KIF19: variants seen among roughly 807,000 people sequenced by gnomAD.
KIF19 encodes kinesin-like protein KIF19.
Under a neutral mutation model 106.6 loss-of-function variants are expected in KIF19, and 98 were observed. The ratio of observed to expected loss-of-function variants is 0.92; its 90% CI spans 0.78 to 1.09. The LOEUF (loss-of-function observed/expected upper bound fraction) is 1.09. Among genes scored for constraint, KIF19 ranks in the 50% least tolerant of loss-of-function variants. KIF19 has a pLI of 0.00. For synonymous variants in KIF19, 516 were observed against 584.2 expected, an observed-to-expected ratio of 0.88 and a Z score of 1.68; for missense variants, 1,373 against 1,414.3, an observed-to-expected ratio of 0.97 and a Z score of 0.47.
rs1019821086 is a variant in KIF19 at position 74,342,964 on chromosome 17, GCCCAGCAAGGCCTCCCT to G, written c.320-53_320-37del. 175 of 1,519,906 alleles carry G rather than the reference GCCCAGCAAGGCCTCCCT, an allele frequency of 1.2e-4. 1 individual carries two copies. The South Asian group carries it at 2.1e-3, about 18-fold the overall frequency. The allele number at this position is 1,519,906 out of a possible 1,614,324, so 94.2% of individuals were successfully genotyped here. On this transcript the variant is annotated intron_variant, in intron 4 of 19. Coordinates refer to ENST00000389916, the MANE Select transcript of KIF19 (RefSeq NM_153209.4). Reference sequence around the variant, plus strand: ...CAAACCCCGGTTTCCAGGAGTGCCTGCCCAGCAAGGCCTCCCTCCCAGCCCCACCCCGGTCACCCTCC... The same window carrying G: ...CAAACCCCGGTTTCCAGGAGTGCCTGCCCAGCCCCACCCCGGTCACCCTCC...
chr17:74,333,627 G>A (rs1383883000), intron 2 of KIF19, among the ~76,000 whole-genome samples: 1 of 151,424 alleles, frequency 6.6e-6, no homozygotes, highest in East Asian at 2.0e-4. Context: ...TCCCAAAGTG[G>A]TGGGATTACA....
intron 1 of KIF19, 104 bp from the exon 2 acceptor site, chr17:74,328,321 T>C (rs1211023345): frequency 7.9e-6 from 8 of 1,013,884 alleles, no homozygotes; most frequent in Non-Finnish European, 1.2e-5. Context: ...AAGGGAGGCC[T>C]GAGATGGCTG....
chr17:74,349,174 T>C lies in KIF19; in HGVS notation c.1048-10T>C. 1 of 1,613,698 alleles carries C rather than the reference T, an allele frequency of 6.2e-7. No homozygotes were observed. Among genetic ancestry groups the C allele is most frequent in the Non-Finnish European group, 8.5e-7 (1 of 1,179,812 alleles). On this transcript the variant is annotated splice_polypyrimidine_tract_variant and intron_variant, in intron 9 of 19. Transcript: ENST00000389916. Reference sequence around the variant, plus strand: ...CTGCATCCCCTCCGCTCCATACGTGTTCCCTGCAGGTGAAGCAGAACCTCC... The same window carrying C: ...CTGCATCCCCTCCGCTCCATACGTGCTCCCTGCAGGTGAAGCAGAACCTCC...
rs576509993 is a variant in KIF19, at chr17:74,328,562, C to A, written c.120+57C>A. On this transcript the variant is annotated intron_variant, in intron 2 of 19. Coordinates refer to ENST00000389916, the MANE Select transcript of KIF19 (RefSeq NM_153209.4). ...GCAGAGGTCTGCTCAGATGGCTCAG[C>A]TCACCTGGTGAGGGCAGAAAGGGCC... The A allele has an allele frequency of 1.1e-4, 158 of 1,467,096 alleles. 1 individual carries two copies. The East Asian group carries it at 3.6e-3, about 33-fold the overall frequency. 90.9% of individuals were successfully genotyped at this position (1,467,096 alleles called of 1,614,324 possible). A position where few individuals can be genotyped will look rare whatever the true frequency, so the allele number is the denominator to read the frequency against.
rs1446024023 is a variant in KIF19 at position 74,352,242 on chromosome 17, C to G, written c.1882C>G (p.Arg628Gly). The G allele has an allele frequency of 2.5e-6, 4 of 1,612,764 alleles. No individual in the cohort carries two copies. In the Admixed American group the frequency reaches 5.0e-5, roughly 20 times the overall value. ...AGACTACAACCTGGCCGTCCCGCAG[C>G]GCCTGGAAGAGCTCTACGAAGTGTA... ...IDDYNLAVPQ[R>G]LEELYEVYLR... Residue 628 changes from arginine (R) to glycine (G), a missense_variant, in exon 14 of 20, where the codon CGC becomes GGC. Coordinates refer to ENST00000389916, the MANE Select transcript of KIF19 (RefSeq NM_153209.4).
chr17:74,335,957 A>G lies in KIF19; in HGVS notation c.121-5919A>G, dbSNP rs146305535. On this transcript the variant is annotated intron_variant, in intron 2 of 19. Coordinates refer to ENST00000389916, the MANE Select transcript of KIF19 (RefSeq NM_153209.4). The stretch of plus-strand genomic sequence containing the variant: ...TTGCAAGCTGCTGTAGCAAAGTGCC[A>G]CACACTGTGTGGCTTCAACAACAGC... 5.6e-4 allele frequency among the ~76,000 whole-genome samples: 85 copies of G among 152,336 alleles called. 1 individual carries two copies. In the East Asian group the frequency reaches 0.012, roughly 22 times the overall value.
chr17:74,340,872 G>A (rs2054353814), intron 2 of KIF19, among the ~76,000 whole-genome samples: 1 of 152,218 alleles, frequency 6.6e-6, no homozygotes, highest in South Asian at 2.1e-4. Flanking sequence ...CTGTAGCGAG[G>A]TGGATAGGAG....
rs1232244893 is a variant in KIF19 at position 74,350,888 on chromosome 17, CA to C, written c.1572del (p.Gln524HisfsTer151). The C allele has an allele frequency of 6.2e-7, 1 of 1,613,646 alleles. No homozygotes were observed. Among genetic ancestry groups the C allele is most frequent in the Admixed American group, 1.7e-5 (1 of 60,000 alleles). On this transcript the variant is annotated frameshift_variant, in exon 12 of 20. Coordinates refer to ENST00000389916, the MANE Select transcript of KIF19 (RefSeq NM_153209.4). LOFTEE classifies it high-confidence loss of function. ...TGCAGCCCTGGTGGACGAGCAGAAG[CA>C]ACTGCGCAAGCAGAAGGTGTCCAGG... ...SIAALVDEQKQLRKQKLALEQ... is the reference protein window; with the variant it reads ...SIAALVDEQKXLRKQKLALEQ...
intron 2 of KIF19, among the ~76,000 whole-genome samples, chr17:74,330,744 T>A (rs1223241221): frequency 2.0e-5 from 3 of 152,218 alleles, no homozygotes; most frequent in Non-Finnish European, 4.4e-5. Flanking sequence ...TCTGGCCTAA[T>A]CCAGCCAAGA....
Position 74,352,851 on chromosome 17 carries a change from G to C in KIF19, c.2011G>C (p.Gly671Arg), listed in dbSNP as rs1264242876. The C allele has an allele frequency of 4.3e-6, 7 of 1,613,936 alleles. No individual in the cohort carries two copies. The highest frequency in any genetic ancestry group is 5.1e-6 in the Non-Finnish European group (6 of 1,179,872). The change falls in exon 15 of 20, where the codon GGA becomes CGA. Residue 671 changes from glycine to arginine, a missense_variant. Physicochemically the swap from Gly to Arg is moderately radical, Grantham distance 125. Around this residue, in one of 3 missense-constraint regions of KIF19, gnomAD observed 1,020 missense variants for 1,008.2 expected, o/e 1.01. Coordinates refer to ENST00000389916, the MANE Select transcript of KIF19 (RefSeq NM_153209.4). ...CTCCTTGCCCAAAATTACCCCAGCA[G>C]GAACCTCACTGACCCCAGATTCTGA... is the stretch of plus-strand genomic sequence containing the variant. ...DSSLPKITPA[G>R]TSLTPDSDLE...
At chr17:74,332,046 A>G (rs537191679) in intron 2 of KIF19, among the ~76,000 whole-genome samples, 27 of 152,232 alleles carry the variant, frequency 1.8e-4, no homozygotes, top group African/African-American at 6.0e-4. Flanking sequence ...GGGTTAATAA[A>G]TGTGAATGTG....
chr17:74,344,969 C>G lies in KIF19; in HGVS notation c.777+14C>G. 1 of 1,587,014 alleles carries G rather than the reference C, an allele frequency of 6.3e-7. No homozygotes were observed. Among genetic ancestry groups the G allele is most frequent in the Non-Finnish European group, 8.6e-7 (1 of 1,169,094 alleles). ...CGCGCCTCGCAGGTGAGGCTGGGAC[C>G]TGGGCTGGGCAGAGGAGGGAGGGTT... On this transcript the variant is annotated intron_variant, in intron 7 of 19. Transcript: ENST00000389916.
At chr17:74,351,791 G>GAT in intron 12 of KIF19, 76 bp from the exon 13 acceptor site, 3 of 1,350,384 alleles carry the variant, frequency 2.2e-6, no homozygotes, top group Non-Finnish European at 2.8e-6. Flanking sequence ...CCAGGCGCTG[G>GAT]AGGGTCGAGG....
chr17:74,332,246 T>C (rs2144204225), intron 2 of KIF19, among the ~76,000 whole-genome samples: 2 of 87,752 alleles, frequency 2.3e-5, no homozygotes, highest in East Asian at 3.2e-4. Flanking sequence ...GTGTGTGTGT[T>C]CCTGGAAGTA....
rs2054107143 is a variant in KIF19, at chr17:74,332,203, TGTGTGTTTGTGTGTGTGTG to T, written c.120+3699_120+3717del. ...CAGTGTGTGTGTGTGTGTGTGTGTG[TGTGTGTTTGTGTGTGTGTG>T]TGTGTGTGTGTGTGTGTGTGTGTTC... On this transcript the variant is annotated intron_variant, in intron 2 of 19. Transcript: ENST00000389916. 1.1e-4 allele frequency among the ~76,000 whole-genome samples: 6 copies of T among 56,608 alleles called. No homozygotes were observed. In the Admixed American group the frequency reaches 1.2e-3, roughly 11 times the overall value. 37.1% of individuals were successfully genotyped at this position (56,608 alleles called of 152,430 possible). A position where few individuals can be genotyped will look rare whatever the true frequency, so the allele number is the denominator to read the frequency against.
Position 74,331,089 on chromosome 17 carries a change from A to G in KIF19, c.120+2584A>G, listed in dbSNP as rs1231955391. On this transcript the variant is annotated intron_variant, in intron 2 of 19. Transcript: ENST00000389916. The surrounding 1 kb of genome is among the most constrained non-coding windows in gnomAD (Gnocchi z 4.1). Reference sequence around the variant, plus strand: ...AGTAGGAGACAAGATACATGAACCCAGGAAGCAAAATGCACATGGACCCCC... The same window carrying G: ...AGTAGGAGACAAGATACATGAACCCGGGAAGCAAAATGCACATGGACCCCC... 1.3e-5 allele frequency among the ~76,000 whole-genome samples: 2 copies of G among 152,172 alleles called. No individual in the cohort carries two copies. The highest frequency in any genetic ancestry group is 2.9e-5 in the Non-Finnish European group (2 of 68,028).
At position 74,328,454 on chromosome 17, in the gene KIF19, G is replaced by C; in HGVS notation, c.69G>C (p.Val23=). ...MVALRVRPIS[V]AELEEGATLI... Reference sequence around the variant, plus strand: ...CGCTTCGGGTCCGGCCCATCAGCGTGGCAGAGCTGGAGGAAGGAGCTACCC... The same window carrying C: ...CGCTTCGGGTCCGGCCCATCAGCGTCGCAGAGCTGGAGGAAGGAGCTACCC... Residue 23 remains valine, a synonymous_variant, in exon 2 of 20, where the codon GTG becomes GTC. Coordinates refer to ENST00000389916, the MANE Select transcript of KIF19 (RefSeq NM_153209.4). 1 of 1,611,262 alleles carries C rather than the reference G, an allele frequency of 6.2e-7. No homozygotes were observed. The highest frequency in any genetic ancestry group is 8.5e-7 in the Non-Finnish European group (1 of 1,179,090).
intron 2 of KIF19, among the ~76,000 whole-genome samples, chr17:74,339,939 G>C (rs936047980): frequency 2.0e-5 from 3 of 152,326 alleles, no homozygotes; most frequent in Non-Finnish European, 4.4e-5. Context: ...CTTGATGGCA[G>C]AGTCATGGGT....
Position 74,346,800 on chromosome 17 carries a change from C to A in KIF19, c.924+276C>A, listed in dbSNP as rs550938651. The stretch of plus-strand genomic sequence containing the variant: ...GGGAAGGAAAAGGAGCACGTGATAC[C>A]CCCACCCAGGGCTGTGGGTCAGAGC... On this transcript the variant is annotated intron_variant, in intron 8 of 19. Transcript: ENST00000389916. This position sits in a 1 kb window ranked among gnomAD's most constrained non-coding sequence, Gnocchi z 4.6. Among the ~76,000 whole-genome samples, 6 of 152,280 alleles carry A rather than the reference C, an allele frequency of 3.9e-5. No individual in the cohort carries two copies. In the East Asian group the frequency reaches 1.2e-3, roughly 29 times the overall value.
Sources: allele counts gnomAD v4.1 joint callset (sites outside exome capture counted in the v4.1 genomes callset), GRCh38; gene constraint gnomAD v4.1.1; regional missense constraint gnomAD v4.1.1; non-coding constraint Gnocchi (gnomAD v3.1); transcripts MANE v1.5; gene names NCBI Gene and HGNC (gene_info 2026-07-23, HGNC 2026-07-21).